ELFN2: variants seen among roughly 807,000 people sequenced by gnomAD.
ELFN2 encodes protein phosphatase 1 regulatory subunit 29.
In ELFN2, 17 loss-of-function variants were observed where a neutral mutation model predicts 45.5. That is an observed-to-expected ratio of 0.37 (90% CI 0.26 to 0.56). The LOEUF (loss-of-function observed/expected upper bound fraction) is 0.56. Ranked by LOEUF, ELFN2 falls within the 20% of genes least tolerant of loss-of-function variation. ELFN2 has a pLI of 0.77. For missense variants in ELFN2, 922 were observed against 1,183.2 expected, an observed-to-expected ratio of 0.78 and a Z score of 3.24; for synonymous variants, 550 against 551.5, an observed-to-expected ratio of 1.00 and a Z score of 0.04.
chr22:37,357,536 T>C (rs1403316329), intron 1 of ELFN2, among the ~76,000 whole-genome samples: 2 of 152,238 alleles, frequency 1.3e-5, no homozygotes, highest in African/African-American at 4.8e-5. Context: ...ACACTTCTTA[T>C]GGGGAACTCA....
At chr22:37,418,394 G>A (rs1347639016) in intron 1 of ELFN2, among the ~76,000 whole-genome samples, 1 of 152,000 alleles carries the variant, frequency 6.6e-6, no homozygotes, top group African/African-American at 2.4e-5. Flanking sequence ...TCAAGCCCCT[G>A]GGCAGGAGGA....
chr22:37,364,986 G>A (rs1226334718), downstream of ELFN2, among the ~76,000 whole-genome samples: 1 of 152,218 alleles, frequency 6.6e-6, no homozygotes, highest in Non-Finnish European at 1.5e-5. Context: ...AACAGCAGAT[G>A]GTGGGAGGGC....
chr22:37,355,145 C>A (rs759426806), intron 1 of ELFN2, among the ~76,000 whole-genome samples: 20 of 152,194 alleles, frequency 1.3e-4, no homozygotes, highest in Admixed American at 1.1e-3. Flanking sequence ...GTCAGTCTGT[C>A]CCTTGGGATG....
downstream of ELFN2, among the ~76,000 whole-genome samples, chr22:37,367,564 C>A (rs1041172429): frequency 6.6e-6 from 1 of 152,196 alleles, no homozygotes; most frequent in Non-Finnish European, 1.5e-5. Flanking sequence ...TCCCGGGAAG[C>A]AGCTGAAGTC....
intron 1 of ELFN2, among the ~76,000 whole-genome samples, chr22:37,346,376 G>A (rs1050909064): frequency 2.0e-5 from 3 of 151,918 alleles, no homozygotes; most frequent in African/African-American, 4.8e-5. Flanking sequence ...CCAGTCTCCA[G>A]CACCTCCTAC....
chr22:37,372,780 A>C lies in ELFN2; in HGVS notation c.*292T>G. 2 of 181,634 alleles carry C rather than the reference A, an allele frequency of 1.1e-5. No individual in the cohort carries two copies. The highest frequency in any genetic ancestry group is 2.1e-5 in the Non-Finnish European group (2 of 94,530). The allele number at this position is 181,634 out of a possible 1,614,324, so 11.3% of individuals were successfully genotyped here. A position where few individuals can be genotyped will look rare whatever the true frequency, so the allele number is the denominator to read the frequency against. On this transcript the variant is annotated 3_prime_UTR_variant, in exon 3 of 3. Coordinates refer to ENST00000402918, the MANE Select transcript of ELFN2 (RefSeq NM_052906.5). The surrounding 1 kb of genome is among the most constrained non-coding windows in gnomAD (Gnocchi z 4.4). Reference sequence around the variant, plus strand: ...CCCCCCGCCAGCCCCCCGGCCCTGCACACCCCAGCAGAGTCCCTGGGCAGC... The same window carrying C: ...CCCCCCGCCAGCCCCCCGGCCCTGCCCACCCCAGCAGAGTCCCTGGGCAGC...
At chr22:37,356,463 G>A (rs1225373907) in intron 1 of ELFN2, among the ~76,000 whole-genome samples, 1 of 151,012 alleles carries the variant, frequency 6.6e-6, no homozygotes, top group Non-Finnish European at 1.5e-5. Flanking sequence ...TGGAATTTCA[G>A]GGTTAGAGGG....
At chr22:37,409,872 G>A (rs989343613) in intron 2 of ELFN2, among the ~76,000 whole-genome samples, 3 of 152,156 alleles carry the variant, frequency 2.0e-5, no homozygotes, top group Admixed American at 6.5e-5. Flanking sequence ...GATGGTGTAC[G>A]TGTGTTTGTA....
chr22:37,359,443 C>T (rs1176025258), intron 1 of ELFN2, among the ~76,000 whole-genome samples: 1 of 152,190 alleles, frequency 6.6e-6, no homozygotes, highest in Non-Finnish European at 1.5e-5. Context: ...TGGCTCTCGG[C>T]CCTCTATGGG....
chr22:37,347,892 T>A (rs910776932), intron 1 of ELFN2, among the ~76,000 whole-genome samples: 8 of 152,304 alleles, frequency 5.3e-5, no homozygotes, highest in African/African-American at 1.9e-4. Flanking sequence ...CTTTACAGTA[T>A]CCTTGCCTAC....
intron 2 of ELFN2, among the ~76,000 whole-genome samples, chr22:37,380,572 A>G (rs976377718): frequency 1.2e-4 from 19 of 152,276 alleles, no homozygotes; most frequent in African/African-American, 4.6e-4. Context: ...AGGCTCGGCC[A>G]GGGAAATCTC....
At chr22:37,398,014 G>A (rs9610736) in intron 2 of ELFN2, among the ~76,000 whole-genome samples, 5,433 of 152,196 alleles carry the variant, frequency 0.036, 113 homozygotes, top group Middle Eastern at 0.071. Flanking sequence ...CAAATGAGAC[G>A]GTAAGGACAC....
chr22:37,367,582 G>A (rs1931232626), downstream of ELFN2, among the ~76,000 whole-genome samples: 1 of 152,206 alleles, frequency 6.6e-6, no homozygotes, highest in African/African-American at 2.4e-5. Context: ...GTCTAGTAAT[G>A]CCCCCACATG....
At chr22:37,356,904 T>C (rs1930963685) in intron 1 of ELFN2, among the ~76,000 whole-genome samples, 2 of 152,336 alleles carry the variant, frequency 1.3e-5, no homozygotes, top group African/African-American at 2.4e-5. Flanking sequence ...GTTTGGAAAG[T>C]TCATTGTCTT....
At chr22:37,399,692 C>T (rs1181175158) in intron 2 of ELFN2, among the ~76,000 whole-genome samples, 1 of 151,996 alleles carries the variant, frequency 6.6e-6, no homozygotes, top group South Asian at 2.1e-4. Context: ...CTCTCCCACC[C>T]CCACTGAGCC....
At chr22:37,398,061 C>T (rs925134939) in intron 2 of ELFN2, among the ~76,000 whole-genome samples, 3 of 152,080 alleles carry the variant, frequency 2.0e-5, no homozygotes, top group African/African-American at 7.2e-5. Flanking sequence ...GGCCACGCTG[C>T]GGGTGGATTA....
At chr22:37,389,946 G>T (rs1008185365) in intron 2 of ELFN2, among the ~76,000 whole-genome samples, 1 of 152,134 alleles carries the variant, frequency 6.6e-6, no homozygotes, top group Non-Finnish European at 1.5e-5. Flanking sequence ...CCCAAGACCA[G>T]GGGGGTGGGA....
At chr22:37,426,501 CCACA>C (rs910057506) in intron 1 of ELFN2, among the ~76,000 whole-genome samples, 1 of 151,488 alleles carries the variant, frequency 6.6e-6, no homozygotes, top group African/African-American at 2.4e-5. Context: ...CACGCACACA[CCACA>C]CACACACAGC....
chr22:37,379,122 C>T (rs1221052952), intron 2 of ELFN2, among the ~76,000 whole-genome samples: 1 of 152,152 alleles, frequency 6.6e-6, no homozygotes, highest in Non-Finnish European at 1.5e-5. Context: ...TCAAGACAGC[C>T]GAGCAGACAG....
Sources: allele counts gnomAD v4.1 joint callset (sites outside exome capture counted in the v4.1 genomes callset), GRCh38; gene constraint gnomAD v4.1.1; non-coding constraint Gnocchi (gnomAD v3.1); transcripts MANE v1.5; gene names NCBI Gene and HGNC (gene_info 2026-07-23, HGNC 2026-07-21).